KCNIP1: variants seen among roughly 807,000 people sequenced by gnomAD.
The protein encoded by KCNIP1 is potassium voltage-gated channel interacting protein 1, also known as A-type potassium channel modulatory protein KCNIP1.
Under a neutral mutation model 33.0 loss-of-function variants are expected in KCNIP1, and 18 were observed. The observed-to-expected ratio is 0.55, with a 90% CI of 0.38 to 0.81. The LOEUF (loss-of-function observed/expected upper bound fraction) is 0.81. Ranked by LOEUF, KCNIP1 falls within the 30% of genes least tolerant of loss-of-function variation. KCNIP1 has a pLI of 0.00. For synonymous variants in KCNIP1, 93 were observed against 98.3 expected (o/e 0.95, Z 0.32); for missense variants, 238 against 271.6 (o/e 0.88, Z 0.87).
At chr5:170,575,802 A>G (rs1470268955) in intron 1 of KCNIP1, among the ~76,000 whole-genome samples, 1 of 152,186 alleles carries the variant, frequency 6.6e-6, no homozygotes, top group Non-Finnish European at 1.5e-5. Flanking sequence ...GTGGGAGAGG[A>G]CTGCTAAAAA....
chr5:170,672,336 T>G (rs1332226611), intron 1 of KCNIP1, among the ~76,000 whole-genome samples: 1 of 152,218 alleles, frequency 6.6e-6, no homozygotes, highest in Non-Finnish European at 1.5e-5. Flanking sequence ...ACCTGTGATA[T>G]GGAGAACTCC....
intron 1 of KCNIP1, among the ~76,000 whole-genome samples, chr5:170,525,137 G>C (rs1235296677): frequency 6.6e-6 from 1 of 152,234 alleles, no homozygotes; most frequent in Non-Finnish European, 1.5e-5. Context: ...TACGTGGAAA[G>C]AACCCACGCC....
chr5:170,718,972 C>G, intron 2 of KCNIP1, 90 bp downstream of exon 2: 3 of 1,511,446 alleles, frequency 2.0e-6, no homozygotes, highest in Non-Finnish European at 2.7e-6. Context: ...TAAGGCGTTT[C>G]CCATATGTGA....
Position 170,489,144 on chromosome 5 carries a change from C to T in KCNIP1, c.88+135180C>T, listed in dbSNP as rs765180136. The stretch of plus-strand genomic sequence containing the variant: ...GGCGGGGAGGCTGACCCAATGGCCC[C>T]GGAATGGTGATGGAGCAGCCTGGGA... On this transcript the variant is annotated intron_variant, in intron 1 of 7. Coordinates refer to the KCNIP1 transcript ENST00000377360. The surrounding 1 kb of genome is among the most constrained non-coding windows in gnomAD (Gnocchi z 4.3). Among the ~76,000 whole-genome samples, 3 of 152,164 alleles carry T rather than the reference C, an allele frequency of 2.0e-5. No homozygotes were observed. Among genetic ancestry groups the T allele is most frequent in the East Asian group, 1.9e-4 (1 of 5,192 alleles).
chr5:170,517,429 T>C (rs1755166618), intron 1 of KCNIP1, among the ~76,000 whole-genome samples: 1 of 152,138 alleles, frequency 6.6e-6, no homozygotes, highest in Non-Finnish European at 1.5e-5. Flanking sequence ...GGGATAATAT[T>C]GTTGATGATG....
chr5:170,640,773 G>T (rs755955931), intron 1 of KCNIP1, among the ~76,000 whole-genome samples: 2 of 152,142 alleles, frequency 1.3e-5, no homozygotes, highest in Non-Finnish European at 2.9e-5. Context: ...TCCCCAACAC[G>T]CCTTCTTGTC....
intron 1 of KCNIP1, among the ~76,000 whole-genome samples, chr5:170,487,248 A>T (rs139039597): frequency 3.3e-3 from 508 of 152,182 alleles, no homozygotes; most frequent in Non-Finnish European, 5.4e-3. Flanking sequence ...CCTTCAGCTG[A>T]CTCAATGAAG....
chr5:170,388,173 C>A (rs1351743214), intron 1 of KCNIP1, among the ~76,000 whole-genome samples: 2 of 152,250 alleles, frequency 1.3e-5, no homozygotes, highest in East Asian at 3.8e-4. Flanking sequence ...TTCCCTGTCA[C>A]AGAGAAGTCT....
At chr5:170,669,745 A>G (rs1051616165) in intron 1 of KCNIP1, 5 of 604,914 alleles carry the variant, frequency 8.3e-6, no homozygotes, top group Non-Finnish European at 6.2e-6. Context: ...TAATGAGATG[A>G]GTGGATTACA....
At chr5:170,591,314 C>T (rs1189160019) in intron 1 of KCNIP1, among the ~76,000 whole-genome samples, 2 of 152,216 alleles carry the variant, frequency 1.3e-5, no homozygotes, top group African/African-American at 4.8e-5. Flanking sequence ...GCAGGGGCCA[C>T]AGCCTGTATT....
At position 170,683,889 on chromosome 5, in the gene KCNIP1, AGTGTATGTGTGTGTGT is replaced by A. The variant is rs1269659615; in HGVS notation, c.62-34864_62-34849del. ...CAGGCATACACCACTATGCCCAGCT[AGTGTATGTGTGTGTGT>A]GTGTGTGTGTGTGTGTGTGTGTGTG... On this transcript the variant is annotated intron_variant, in intron 1 of 7. Coordinates refer to ENST00000328939, the MANE Select transcript of KCNIP1 (RefSeq NM_014592.4). Among the ~76,000 whole-genome samples, 379 of 124,686 alleles carry A rather than the reference AGTGTATGTGTGTGTGT, an allele frequency of 3.0e-3. 2 individuals carry two copies. The highest frequency in any genetic ancestry group is 0.011 in the Middle Eastern group (3 of 272). The allele number at this position is 124,686 out of a possible 152,430, so 81.8% of individuals were successfully genotyped here.
intron 1 of KCNIP1, among the ~76,000 whole-genome samples, chr5:170,446,978 T>C (rs753728441): frequency 1.3e-5 from 2 of 152,240 alleles, no homozygotes; most frequent in Non-Finnish European, 2.9e-5. Flanking sequence ...AATGGCTTAA[T>C]TTAGGTTTAT....
At chr5:170,398,665 C>G (rs945171843) in intron 1 of KCNIP1, among the ~76,000 whole-genome samples, 2 of 152,232 alleles carry the variant, frequency 1.3e-5, no homozygotes, top group African/African-American at 4.8e-5. Context: ...TTCTAACTGT[C>G]CTTTTTCTCT....
intron 1 of KCNIP1, among the ~76,000 whole-genome samples, chr5:170,624,527 A>G (rs1219860094): frequency 6.6e-6 from 1 of 151,958 alleles, no homozygotes; most frequent in Non-Finnish European, 1.5e-5. Context: ...CTATTCTCCT[A>G]TATTTCTGAT....
intron 1 of KCNIP1, among the ~76,000 whole-genome samples, chr5:170,454,148 T>C (rs1317920007): frequency 6.6e-6 from 1 of 152,246 alleles, no homozygotes; most frequent in Non-Finnish European, 1.5e-5. Flanking sequence ...GCTTTATTCC[T>C]AGAAGAATAA....
At chr5:170,605,046 G>T (rs1758850980) in intron 1 of KCNIP1, among the ~76,000 whole-genome samples, 1 of 152,246 alleles carries the variant, frequency 6.6e-6, no homozygotes, top group South Asian at 2.1e-4. Context: ...TGGCACAGCA[G>T]TGAAAGGCCT....
intron 1 of KCNIP1, among the ~76,000 whole-genome samples, chr5:170,405,361 T>G (rs1003546452): frequency 5.3e-5 from 8 of 152,106 alleles, no homozygotes; most frequent in African/African-American, 1.7e-4. Flanking sequence ...GCCCAGTTAA[T>G]TATTAGTATA....
At chr5:170,363,799 A>G (rs1389008360) in intron 1 of KCNIP1, among the ~76,000 whole-genome samples, 1 of 152,114 alleles carries the variant, frequency 6.6e-6, no homozygotes, top group African/African-American at 2.4e-5. Flanking sequence ...ATCACCACCA[A>G]CCATCTCCAG....
intron 1 of KCNIP1, among the ~76,000 whole-genome samples, chr5:170,469,895 C>T (rs1756685893): frequency 6.6e-6 from 1 of 152,200 alleles, no homozygotes; most frequent in Admixed American, 6.5e-5. Context: ...ACTCAATCCT[C>T]CATAAATAAC....
Sources: gnomAD v4.1 joint callset for allele counts (sites outside exome capture counted in the v4.1 genomes callset) on GRCh38, gnomAD v4.1.1 for gene constraint, Gnocchi (gnomAD v3.1) non-coding constraint, MANE v1.5 for transcripts, NCBI Gene and HGNC (gene_info 2026-07-23, HGNC 2026-07-21) for gene names.